The following PLD5 variants were observed in gnomAD, a reference collection of about 807,000 sequenced individuals.
The protein encoded by PLD5 is phospholipase D family member 5, also known as inactive phospholipase D5.
A neutral mutation model predicts 61.1 loss-of-function variants in PLD5; 36 were observed. That is an observed-to-expected ratio of 0.59 (90% confidence interval 0.45 to 0.78). PLD5 has a LOEUF of 0.78. Ranked by LOEUF, PLD5 falls within the 30% of genes least tolerant of loss-of-function variation. The probability of loss-of-function intolerance (pLI) is 0.00; values close to 1 mark genes in which losing one functional copy is unlikely to be tolerated. For synonymous variants in PLD5, 243 were observed against 242.8 expected, an observed-to-expected ratio of 1.00 and a Z score of -0.01; for missense variants, 515 against 644.4, an observed-to-expected ratio of 0.80 and a Z score of 2.17.
chr1:242,344,740 C>T (rs1235101980), intron 2 of PLD5, among the ~76,000 whole-genome samples: 1 of 151,806 alleles, frequency 6.6e-6, no homozygotes, highest in African/African-American at 2.4e-5. Flanking sequence ...GTGTCCCACA[C>T]CGAATTTATT....
At chr1:242,412,575 C>T (rs561649974) in intron 1 of PLD5, among the ~76,000 whole-genome samples, 20 of 152,266 alleles carry the variant, frequency 1.3e-4, no homozygotes, top group South Asian at 4.1e-4. Flanking sequence ...TCGTACAGTA[C>T]GTAACCTTTG....
chr1:242,116,427 A>G (rs1166357324), intron 6 of PLD5, among the ~76,000 whole-genome samples: 1 of 152,146 alleles, frequency 6.6e-6, no homozygotes, highest in Non-Finnish European at 1.5e-5. Context: ...TTCAACTTTT[A>G]TTTTAGACTC....
At chr1:242,100,307 C>T (rs890662205) in intron 9 of PLD5, among the ~76,000 whole-genome samples, 1 of 152,184 alleles carries the variant, frequency 6.6e-6, no homozygotes, top group African/African-American at 2.4e-5. Context: ...TCATGTCAGG[C>T]TGGCTTGTGG....
intron 1 of PLD5, among the ~76,000 whole-genome samples, chr1:242,432,950 T>C (rs1665797969): frequency 6.6e-6 from 1 of 152,192 alleles, no homozygotes; most frequent in Non-Finnish European, 1.5e-5. Context: ...CAGCTTGACA[T>C]GGTGCCTCTC....
chr1:242,107,087 A>G (rs935645270), intron 8 of PLD5, among the ~76,000 whole-genome samples: 1 of 152,146 alleles, frequency 6.6e-6, no homozygotes, highest in African/African-American at 2.4e-5. Flanking sequence ...ACGACGAGGC[A>G]TCTGGGCGGG....
rs2810023 is a variant in PLD5, at chr1:242,392,866, G to T, written c.190-44624C>A. Among the ~76,000 whole-genome samples the T allele has an allele frequency of 3.6e-3, 546 of 152,228 alleles. 6 individuals carry two copies. Among genetic ancestry groups the T allele is most frequent in the African/African-American group, 0.012 (517 of 41,530 alleles). On this transcript the variant is annotated intron_variant, in intron 1 of 9. Transcript: ENST00000536534. ...TTCCATTATCTCCACTCGATTAGAG[G>T]ATTATAATGAAGAAATTAAACACAT...
At chr1:242,445,219 T>C (rs536822855) in intron 1 of PLD5, among the ~76,000 whole-genome samples, 39 of 152,316 alleles carry the variant, frequency 2.6e-4, no homozygotes, top group Middle Eastern at 6.8e-3. Flanking sequence ...CTCATTCTAC[T>C]GTGTGAACAC....
chr1:242,320,004 C>G (rs191583228), intron 2 of PLD5, among the ~76,000 whole-genome samples: 4 of 152,272 alleles, frequency 2.6e-5, no homozygotes, highest in Non-Finnish European at 5.9e-5. Context: ...TCCTCAGATT[C>G]TCTTTGGAAA....
intron 5 of PLD5, among the ~76,000 whole-genome samples, chr1:242,131,357 T>C (rs1663231910): frequency 6.6e-6 from 1 of 152,144 alleles, no homozygotes; most frequent in African/African-American, 2.4e-5. Context: ...CCGTTCTCTC[T>C]CTTGCACTAT....
rs182576587 is a variant in PLD5, at chr1:242,393,831, G to A, written c.190-45589C>T. On this transcript the variant is annotated intron_variant, in intron 1 of 9. Transcript: ENST00000536534. ...TCTCAGCACTTTGGGAGGCCGAGGC[G>A]GGTGGATTACCTGAAGTCAGGAGTT... Among the ~76,000 whole-genome samples the A allele has an allele frequency of 9.2e-3, 1,352 of 147,260 alleles. 27 individuals carry two copies. The highest frequency in any genetic ancestry group is 0.047 in the East Asian group (227 of 4,810).
intron 1 of PLD5, among the ~76,000 whole-genome samples, chr1:242,354,613 C>T (rs1660655738): frequency 6.6e-6 from 1 of 152,006 alleles, no homozygotes; most frequent in African/African-American, 2.4e-5. Context: ...TATTTGGATG[C>T]CTTTTATTTC....
chr1:242,432,948 C>G (rs1277429175), intron 1 of PLD5, among the ~76,000 whole-genome samples: 2 of 152,182 alleles, frequency 1.3e-5, no homozygotes, highest in African/African-American at 4.8e-5. Flanking sequence ...GCCAGCTTGA[C>G]ATGGTGCCTC....
intron 6 of PLD5, among the ~76,000 whole-genome samples, chr1:242,121,555 T>C (rs1362868558): frequency 1.3e-5 from 2 of 151,978 alleles, no homozygotes; most frequent in Non-Finnish European, 2.9e-5. Context: ...GAAAGTAAAC[T>C]AGAAATATCA....
intron 5 of PLD5, among the ~76,000 whole-genome samples, chr1:242,188,274 T>C (rs1045037636): frequency 6.6e-6 from 1 of 152,062 alleles, no homozygotes; most frequent in African/African-American, 2.4e-5. Context: ...CTAACATCAA[T>C]AGTAAATTAG....
intron 2 of PLD5, among the ~76,000 whole-genome samples, chr1:242,342,455 C>T (rs1303076290): frequency 1.3e-5 from 2 of 152,304 alleles, no homozygotes; most frequent in South Asian, 2.1e-4. Flanking sequence ...GAAACTTCAC[C>T]GTGTGTGGCT....
rs185846186 is a variant in PLD5, at chr1:242,199,341, G to A, written c.735+20647C>T. Among the ~76,000 whole-genome samples, 5 of 151,990 alleles carry A rather than the reference G, an allele frequency of 3.3e-5. No homozygotes were observed. The East Asian group carries it at 7.8e-4, about 24-fold the overall frequency. Reference sequence around the variant, plus strand: ...GCAATCTTGGCTCACTGCAATCTCTGCCTCCCAGGTTCAAGTGATTCTTCT... The same window carrying A: ...GCAATCTTGGCTCACTGCAATCTCTACCTCCCAGGTTCAAGTGATTCTTCT... On this transcript the variant is annotated intron_variant, in intron 5 of 9. Transcript: ENST00000536534.
chr1:242,432,515 GAAATCTGTCGTCT>G (rs1293147202), intron 1 of PLD5, among the ~76,000 whole-genome samples: 6 of 152,314 alleles, frequency 3.9e-5, no homozygotes, highest in African/African-American at 1.4e-4. Context: ...TGTGTCTTTA[GAAATCTGTCGTCT>G]AAAGCTGGGG....
At chr1:242,467,301 T>C (rs1667307123) in intron 1 of PLD5, among the ~76,000 whole-genome samples, 3 of 152,156 alleles carry the variant, frequency 2.0e-5, no homozygotes, top group Admixed American at 6.5e-5. Flanking sequence ...TTCTTTTTAG[T>C]TAAAAATGGT....
intron 5 of PLD5, among the ~76,000 whole-genome samples, chr1:242,158,688 T>C (rs1574416329): frequency 6.6e-6 from 1 of 152,202 alleles, no homozygotes; most frequent in African/African-American, 2.4e-5. Flanking sequence ...GGTAACTCAG[T>C]TGGAAATGCA....
Sources: allele counts gnomAD v4.1 joint callset (sites outside exome capture counted in the v4.1 genomes callset), GRCh38; gene constraint gnomAD v4.1.1; transcripts MANE v1.5; gene names NCBI Gene and HGNC (gene_info 2026-07-23, HGNC 2026-07-21).